The following PCDH15 variants were observed in gnomAD, a reference collection of about 807,000 sequenced individuals.
The protein encoded by PCDH15 is protocadherin-15.
PCDH15 carries 129 observed loss-of-function variants against 178.5 expected under a neutral mutation model. The observed-to-expected ratio is 0.72, with a 90% CI of 0.63 to 0.84. The LOEUF (loss-of-function observed/expected upper bound fraction) is 0.84. PCDH15 is among the 40% of genes least tolerant of loss of function. The pLI, the probability that PCDH15 is intolerant of heterozygous loss-of-function variation, is 0.00. For synonymous variants in PCDH15, 800 were observed against 732.0 expected, an observed-to-expected ratio of 1.09 and a Z score of -1.50; for missense variants, 2,230 against 2,099.9, an observed-to-expected ratio of 1.06 and a Z score of -1.21.
At chr10:54,763,082 T>C (rs942006655) in intron 1 of PCDH15, among the ~76,000 whole-genome samples, 8 of 152,174 alleles carry the variant, frequency 5.3e-5, no homozygotes, top group African/African-American at 1.7e-4. Context: ...GAGGACACTA[T>C]TTCATTTGTC....
intron 1 of PCDH15, among the ~76,000 whole-genome samples, chr10:54,710,205 T>G (rs1394640566): frequency 6.6e-6 from 1 of 151,900 alleles, no homozygotes; most frequent in Non-Finnish European, 1.5e-5. Context: ...TCAGTCCCAC[T>G]CAAGTGGACG....
intron 29 of PCDH15, among the ~76,000 whole-genome samples, chr10:53,837,315 C>A (rs2077363556): frequency 4.6e-5 from 7 of 151,752 alleles, no homozygotes; most frequent in Admixed American, 3.9e-4. Flanking sequence ...GATAAAAAAG[C>A]AGGATAAGAG....
intron 1 of PCDH15, among the ~76,000 whole-genome samples, chr10:55,288,880 T>C (rs528316346): frequency 6.6e-6 from 1 of 151,658 alleles, no homozygotes; most frequent in African/African-American, 2.4e-5. Context: ...GATATATATA[T>C]ATATATATCT....
chr10:55,144,488 C>T (rs1270348094), intron 2 of PCDH15, among the ~76,000 whole-genome samples: 1 of 152,016 alleles, frequency 6.6e-6, no homozygotes, highest in African/African-American at 2.4e-5. Context: ...GCAGAACTTC[C>T]TAATGAGATT....
intron 25 of PCDH15, among the ~76,000 whole-genome samples, chr10:53,911,345 G>A (rs1029071110): frequency 6.6e-6 from 1 of 152,138 alleles, no homozygotes; most frequent in Non-Finnish European, 1.5e-5. Flanking sequence ...TGAACAACCT[G>A]CTCCTGAACG....
chr10:54,512,384 TG>T (rs2081777649), intron 3 of PCDH15, among the ~76,000 whole-genome samples: 1 of 151,486 alleles, frequency 6.6e-6, no homozygotes, highest in South Asian at 2.1e-4. Flanking sequence ...TGTGTGTGTG[TG>T]TGTGTGTGTG....
At chr10:53,953,347 A>G (rs150252045) in intron 23 of PCDH15, among the ~76,000 whole-genome samples, 1 of 152,268 alleles carries the variant, frequency 6.6e-6, no homozygotes. Flanking sequence ...ATTGATGTGA[A>G]AAGGTCAAGA....
chr10:54,437,261 A>T (rs893785089), intron 3 of PCDH15, among the ~76,000 whole-genome samples: 4 of 152,210 alleles, frequency 2.6e-5, no homozygotes, highest in African/African-American at 9.6e-5. Context: ...AAAGCAAAGG[A>T]TATAGGTATT....
At chr10:55,433,631 TTTGA>T (rs1405941520) in intron 2 of PCDH15, among the ~76,000 whole-genome samples, 1 of 152,218 alleles carries the variant, frequency 6.6e-6, no homozygotes, top group African/African-American at 2.4e-5. Flanking sequence ...TGTGTAATCT[TTTGA>T]TTAACAAACA....
intron 1 of PCDH15, among the ~76,000 whole-genome samples, chr10:54,745,362 A>G (rs574733819): frequency 1.1e-5 from 1 of 88,792 alleles, no homozygotes; most frequent in South Asian, 5.8e-4. Flanking sequence ...AAATCCTTTT[A>G]TATACACACA....
chr10:53,835,626 G>T (rs2132690872), intron 29 of PCDH15, among the ~76,000 whole-genome samples: 1 of 152,188 alleles, frequency 6.6e-6, no homozygotes, highest in East Asian at 1.9e-4. Context: ...GTTAAAAGTG[G>T]CTGCCATAGG....
intron 8 of PCDH15, among the ~76,000 whole-genome samples, chr10:54,308,425 C>A (rs577682133): frequency 6.6e-6 from 1 of 152,146 alleles, no homozygotes; most frequent in Admixed American, 6.6e-5. Context: ...TTCCTCCTTT[C>A]GACTGTTTCT....
At chr10:54,213,821 C>T (rs1265554940) in intron 10 of PCDH15, 115 bp downstream of exon 10, 4 of 669,444 alleles carry the variant, frequency 6.0e-6, no homozygotes, top group Non-Finnish European at 1.0e-5. Flanking sequence ...AATTGACTGA[C>T]TGCTGTCCAC....
chr10:54,069,782 T>A (rs926030393), intron 17 of PCDH15, among the ~76,000 whole-genome samples: 1 of 152,180 alleles, frequency 6.6e-6, no homozygotes, highest in Admixed American at 6.6e-5. Flanking sequence ...AGAATGTTTA[T>A]GTCTTATTAA....
intron 2 of PCDH15, among the ~76,000 whole-genome samples, chr10:54,537,896 G>T (rs1011103227): frequency 6.6e-6 from 1 of 152,018 alleles, no homozygotes; most frequent in Non-Finnish European, 1.5e-5. Context: ...CATGTTTGTT[G>T]TCTGCTTGTA....
At chr10:53,880,958 C>T (rs1038764058) in intron 26 of PCDH15, among the ~76,000 whole-genome samples, 4 of 152,134 alleles carry the variant, frequency 2.6e-5, no homozygotes, top group African/African-American at 9.7e-5. Flanking sequence ...TTGGAGCTCT[C>T]CCTCGTGCTC....
intron 10 of PCDH15, among the ~76,000 whole-genome samples, chr10:54,209,377 G>C (rs2051160413): frequency 6.6e-6 from 1 of 152,072 alleles, no homozygotes; most frequent in Non-Finnish European, 1.5e-5. Flanking sequence ...TGGGCCAAGA[G>C]AATGCGAAAT....
rs185692909 is a variant in PCDH15 at position 53,943,580 on chromosome 10, C to T, written c.3123-2605G>A. Among the ~76,000 whole-genome samples the T allele has an allele frequency of 5.5e-3, 841 of 151,958 alleles. 4 individuals are homozygous for T. Among genetic ancestry groups the T allele is most frequent in the Non-Finnish European group, 8.3e-3 (565 of 67,974 alleles). On this transcript the variant is annotated intron_variant, in intron 23 of 37. Transcript: ENST00000644397. The stretch of plus-strand genomic sequence containing the variant: ...AATGCACGTGTACATTTTTGCTAAC[C>T]TTAACTGCACAATTAGGATAGAAAT...
chr10:54,460,412 T>C (rs2077093979), intron 3 of PCDH15, among the ~76,000 whole-genome samples: 1 of 152,046 alleles, frequency 6.6e-6, no homozygotes, highest in African/African-American at 2.4e-5. Flanking sequence ...GGAGTAATAT[T>C]ACCATATTTC....
Sources: allele counts gnomAD v4.1 joint callset (sites outside exome capture counted in the v4.1 genomes callset), GRCh38; gene constraint gnomAD v4.1.1; transcripts MANE v1.5; gene names NCBI Gene and HGNC (gene_info 2026-07-23, HGNC 2026-07-21).